Variants in CSGALNACT1 observed in about 807,000 individuals in gnomAD.
CSGALNACT1 encodes the protein beta4GalNAcT-1.
In CSGALNACT1, 52 loss-of-function variants were observed where a neutral mutation model predicts 51.0. The ratio of observed to expected loss-of-function variants is 1.02; its 90% CI spans 0.82 to 1.29. The LOEUF (loss-of-function observed/expected upper bound fraction) is 1.29, where lower values mean the gene tolerates loss of function less well. Among genes scored for constraint, CSGALNACT1 ranks in the 50% most tolerant of loss-of-function variants. The pLI, the probability that CSGALNACT1 is intolerant of heterozygous loss-of-function variation, is 0.00. For missense variants in CSGALNACT1, 935 were observed against 679.2 expected, an observed-to-expected ratio of 1.38 and a Z score of -4.19; for synonymous variants, 341 against 254.4, an observed-to-expected ratio of 1.34 and a Z score of -3.24.
At chr8:19,627,857 A>G (rs766966473) in intron 1 of CSGALNACT1, among the ~76,000 whole-genome samples, 1 of 152,198 alleles carries the variant, frequency 6.6e-6, no homozygotes, top group Non-Finnish European at 1.5e-5. Context: ...TGAAAAAACT[A>G]GTGAAATCTG....
chr8:19,493,527 C>T (rs936371783), intron 4 of CSGALNACT1, among the ~76,000 whole-genome samples: 5 of 152,204 alleles, frequency 3.3e-5, no homozygotes, highest in African/African-American at 9.7e-5. Context: ...TAGGCAAACA[C>T]TCGTCTATTC....
At chr8:19,467,400 C>T (rs1330062766) in intron 4 of CSGALNACT1, among the ~76,000 whole-genome samples, 2 of 152,036 alleles carry the variant, frequency 1.3e-5, no homozygotes, top group African/African-American at 2.4e-5. Flanking sequence ...GGATTACAGG[C>T]GTGAGCCACC....
chr8:19,487,894 T>G (rs944759931), intron 4 of CSGALNACT1, among the ~76,000 whole-genome samples: 8 of 148,436 alleles, frequency 5.4e-5, no homozygotes, highest in African/African-American at 2.0e-4. Flanking sequence ...AATTCTCACT[T>G]CAAGATATGC....
Position 19,515,860 on chromosome 8 carries a change from G to A in CSGALNACT1, c.-296-9730C>T, listed in dbSNP as rs113611828. 7.0e-4 allele frequency among the ~76,000 whole-genome samples: 107 copies of A among 152,302 alleles called. No homozygotes were observed. In the Middle Eastern group the frequency reaches 0.017, roughly 24 times the overall value. On this transcript the variant is annotated intron_variant, in intron 3 of 9. Coordinates refer to ENST00000454498, the Ensembl canonical transcript of CSGALNACT1. ...GCTTCAGGAAGACCTAAGGCAGGTA[G>A]TTGGCATGGGTGGTGGTCATGGACC...
At chr8:19,622,545 C>T (rs1373366512) in intron 1 of CSGALNACT1, among the ~76,000 whole-genome samples, 1 of 152,122 alleles carries the variant, frequency 6.6e-6, no homozygotes, top group East Asian at 1.9e-4. Context: ...CTACATTTTA[C>T]TGTTACCTAG....
chr8:19,628,446 T>A (rs1028517667), intron 1 of CSGALNACT1, among the ~76,000 whole-genome samples: 2 of 152,176 alleles, frequency 1.3e-5, no homozygotes, highest in African/African-American at 4.8e-5. Flanking sequence ...GTCCCTCCCT[T>A]GATACATGGG....
At chr8:19,430,855 C>T (rs1585822902) in intron 6 of CSGALNACT1, among the ~76,000 whole-genome samples, 1 of 152,032 alleles carries the variant, frequency 6.6e-6, no homozygotes, top group African/African-American at 2.4e-5. Flanking sequence ...TCTTTAATTC[C>T]TTTCAAAGTT....
chr8:19,472,171 C>G (rs570933802), intron 4 of CSGALNACT1, among the ~76,000 whole-genome samples: 1 of 152,156 alleles, frequency 6.6e-6, no homozygotes, highest in South Asian at 2.1e-4. Flanking sequence ...CCAGAACAAA[C>G]AACATGCAAG....
At chr8:19,650,445 A>T (rs1467756679) in intron 1 of CSGALNACT1, among the ~76,000 whole-genome samples, 2 of 152,260 alleles carry the variant, frequency 1.3e-5, no homozygotes, top group Non-Finnish European at 2.9e-5. Flanking sequence ...GAGAACACCT[A>T]GTAATTAGTA....
At chr8:19,582,616 G>A (rs1004284265) in intron 3 of CSGALNACT1, among the ~76,000 whole-genome samples, 1 of 152,304 alleles carries the variant, frequency 6.6e-6, no homozygotes, top group Middle Eastern at 3.4e-3. Flanking sequence ...AAGCCAATGA[G>A]AGTCAATCTT....
intron 1 of CSGALNACT1, among the ~76,000 whole-genome samples, chr8:19,708,633 G>A (rs2062322266): frequency 6.6e-6 from 1 of 152,306 alleles, no homozygotes; most frequent in Non-Finnish European, 1.5e-5. Flanking sequence ...AATATGAGCT[G>A]AGGACTCAGC....
In CSGALNACT1 at chr8:19,506,091, T is replaced by C. The variant is rs2077277190; in HGVS notation, c.-257A>G. ...CTCCAAGTTTTCACCTTCATTCCCA[T>C]CACAGCCTTCCTGATGTGCAGCCAA... is the stretch of plus-strand genomic sequence containing the variant. On this transcript the variant is annotated 5_prime_UTR_variant, in exon 4 of 10. It removes an upstream start codon present in the reference 5' UTR. Transcript: ENST00000454498. 1.5e-6 allele frequency: 1 copy of C among 649,352 alleles called. No individual in the cohort carries two copies. The highest frequency in any genetic ancestry group is 1.8e-5 in the African/African-American group (1 of 56,146). The allele number at this position is 649,352 out of a possible 1,614,324, so 40.2% of individuals were successfully genotyped here.
intron 3 of CSGALNACT1, among the ~76,000 whole-genome samples, chr8:19,521,801 T>G (rs181490336): frequency 6.6e-6 from 1 of 152,316 alleles, no homozygotes; most frequent in East Asian, 1.9e-4. Context: ...CCTGCAAACT[T>G]TGCTCTGCCT....
intron 3 of CSGALNACT1, among the ~76,000 whole-genome samples, chr8:19,516,120 G>A (rs1026823158): frequency 5.3e-5 from 8 of 152,112 alleles, no homozygotes; most frequent in Non-Finnish European, 7.4e-5. Context: ...CCCTCCCCTC[G>A]TTCATAATTA....
chr8:19,634,010 G>A (rs1035100545), intron 1 of CSGALNACT1, among the ~76,000 whole-genome samples: 1 of 152,304 alleles, frequency 6.6e-6, no homozygotes, highest in East Asian at 1.9e-4. Flanking sequence ...CAGGGATGAT[G>A]CCTAAAGGTC....
intron 4 of CSGALNACT1, among the ~76,000 whole-genome samples, chr8:19,491,774 C>T (rs981188245): frequency 2.0e-5 from 3 of 152,130 alleles, no homozygotes; most frequent in East Asian, 3.8e-4. Flanking sequence ...ATGTGTGTTT[C>T]GATGTTGTGC....
chr8:19,580,411 G>A (rs2045306947), intron 3 of CSGALNACT1, among the ~76,000 whole-genome samples: 1 of 152,184 alleles, frequency 6.6e-6, no homozygotes, highest in Non-Finnish European at 1.5e-5. Context: ...CAGAGTCCTG[G>A]TAAATACTTC....
intron 3 of CSGALNACT1, among the ~76,000 whole-genome samples, chr8:19,527,437 C>T (rs563130293): frequency 1.3e-5 from 2 of 152,164 alleles, no homozygotes; most frequent in South Asian, 2.1e-4. Flanking sequence ...AACCCCGCCC[C>T]TCCAACTCCT....
intron 1 of CSGALNACT1, among the ~76,000 whole-genome samples, chr8:19,637,254 G>C (rs946821470): frequency 2.0e-5 from 3 of 152,094 alleles, no homozygotes; most frequent in Non-Finnish European, 4.4e-5. Context: ...TCTGCTTCAA[G>C]AGACTTTCCC....
Sources: allele counts gnomAD v4.1 joint callset (sites outside exome capture counted in the v4.1 genomes callset), GRCh38; gene constraint gnomAD v4.1.1; transcripts MANE v1.5; gene names NCBI Gene and HGNC (gene_info 2026-07-23, HGNC 2026-07-21).